THSD7B: variants seen among roughly 807,000 people sequenced by gnomAD.
THSD7B encodes the protein thrombospondin type-1 domain-containing protein 7B.
THSD7B carries 138 observed loss-of-function variants against 213.6 expected under a neutral mutation model. The ratio of observed to expected loss-of-function variants is 0.65; its 90% confidence interval spans 0.56 to 0.74. The LOEUF is 0.74. THSD7B is among the 30% of genes least tolerant of loss of function. The pLI is 0.00. For missense variants in THSD7B, 1,931 were observed against 1,991.5 expected, an observed-to-expected ratio of 0.97 and a Z score of 0.58; for synonymous variants, 742 against 687.0, an observed-to-expected ratio of 1.08 and a Z score of -1.25.
intron 5 of THSD7B, among the ~76,000 whole-genome samples, chr2:137,147,635 A>G (rs1344688143): frequency 2.0e-5 from 3 of 151,832 alleles, no homozygotes; most frequent in Non-Finnish European, 4.4e-5. Context: ...TCTCCTTGCT[A>G]TCATTATTAC....
chr2:137,326,168 G>A (rs1406180839), intron 12 of THSD7B, among the ~76,000 whole-genome samples: 1 of 152,146 alleles, frequency 6.6e-6, no homozygotes, highest in Non-Finnish European at 1.5e-5. Context: ...CTTTGACAAT[G>A]GTGAGGGACA....
chr2:137,232,639 G>A (rs749145242), intron 8 of THSD7B, among the ~76,000 whole-genome samples: 5 of 152,172 alleles, frequency 3.3e-5, no homozygotes, highest in Non-Finnish European at 5.9e-5. Context: ...GCAGTGGTGG[G>A]CAACAGAGTC....
intron 12 of THSD7B, among the ~76,000 whole-genome samples, chr2:137,309,082 A>G (rs1683825935): frequency 6.6e-6 from 1 of 152,138 alleles, no homozygotes; most frequent in Admixed American, 6.6e-5. Context: ...ACGGGCTTCT[A>G]GAAACATCAT....
intron 1 of THSD7B, among the ~76,000 whole-genome samples, chr2:136,879,942 A>G (rs544096241): frequency 1.3e-5 from 2 of 152,340 alleles, no homozygotes; most frequent in Admixed American, 1.3e-4. Context: ...TGCACCCAAT[A>G]TAGGAGCACC....
intron 1 of THSD7B, among the ~76,000 whole-genome samples, chr2:136,787,148 G>A (rs574840339): frequency 3.3e-5 from 5 of 152,066 alleles, no homozygotes; most frequent in Middle Eastern, 3.4e-3. Context: ...AGAAAATGAT[G>A]GAATTCATAA....
At chr2:137,004,644 T>G (rs968885858) in intron 2 of THSD7B, among the ~76,000 whole-genome samples, 3 of 152,184 alleles carry the variant, frequency 2.0e-5, no homozygotes, top group Admixed American at 1.3e-4. Context: ...ACAGTCAGTG[T>G]GTGTTTGGAT....
intron 3 of THSD7B, among the ~76,000 whole-genome samples, chr2:137,085,707 A>G (rs1440751518): frequency 2.0e-5 from 3 of 152,180 alleles, no homozygotes; most frequent in Non-Finnish European, 2.9e-5. Context: ...AAATGAATTG[A>G]TGACCTAAAT....
At chr2:137,004,941 A>T (rs1296896998) in intron 2 of THSD7B, among the ~76,000 whole-genome samples, 1 of 152,198 alleles carries the variant, frequency 6.6e-6, no homozygotes, top group Non-Finnish European at 1.5e-5. Context: ...TTTATTTTGA[A>T]GTTGAATATC....
intron 9 of THSD7B, among the ~76,000 whole-genome samples, chr2:137,239,320 G>T (rs1190593166): frequency 2.0e-5 from 3 of 151,598 alleles, no homozygotes; most frequent in Non-Finnish European, 2.9e-5. Context: ...TTTTTTTTCT[G>T]TCTCTCTCTG....
chr2:136,770,188 T>C (rs1416453896), intron 1 of THSD7B, among the ~76,000 whole-genome samples: 2 of 152,246 alleles, frequency 1.3e-5, no homozygotes, highest in Non-Finnish European at 2.9e-5. Flanking sequence ...AGACTGCAGC[T>C]TTGTAGCAAT....
chr2:137,032,613 G>T (rs563835691), intron 2 of THSD7B, among the ~76,000 whole-genome samples: 47 of 152,168 alleles, frequency 3.1e-4, no homozygotes, highest in Non-Finnish European at 3.8e-4. Context: ...ACACAATTTA[G>T]TATAAAAGTT....
At chr2:137,330,288 C>T (rs2104891832) in intron 12 of THSD7B, among the ~76,000 whole-genome samples, 1 of 152,284 alleles carries the variant, frequency 6.6e-6, no homozygotes, top group East Asian at 1.9e-4. Flanking sequence ...CCAAGTGCAG[C>T]TGTGAGAAGA....
chr2:136,964,924 C>T (rs556387356), intron 2 of THSD7B, among the ~76,000 whole-genome samples: 6 of 151,214 alleles, frequency 4.0e-5, no homozygotes, highest in Non-Finnish European at 8.8e-5. Context: ...TTGCTTGAAC[C>T]CAGGAGGCAG....
chr2:137,610,507 T>G (rs373902885), intron 17 of THSD7B, among the ~76,000 whole-genome samples: 42 of 152,280 alleles, frequency 2.8e-4, no homozygotes, highest in African/African-American at 9.1e-4. Flanking sequence ...CCAATATTGA[T>G]ATGTGTGAGC....
intron 2 of THSD7B, among the ~76,000 whole-genome samples, chr2:136,930,627 A>G (rs910754188): frequency 2.0e-5 from 3 of 152,226 alleles, no homozygotes; most frequent in Non-Finnish European, 4.4e-5. Context: ...TAGCTGAAGA[A>G]TGAATAATGA....
In THSD7B at chr2:137,059,376, ACT is replaced by A. The variant is rs1187606208; in HGVS notation, c.950+2147_950+2148del. ...ATTGATGAGCTAATATTGATATATT[ACT>A]GTTAATAAAGACTATAGTTTACATT... On this transcript the variant is annotated intron_variant, in intron 3 of 27. Transcript: ENST00000409968. Among the ~76,000 whole-genome samples the A allele has an allele frequency of 2.0e-5, 3 of 152,214 alleles. No homozygotes were observed. In the East Asian group the frequency reaches 5.8e-4, roughly 29 times the overall value.
chr2:137,514,535 A>T (rs1245591699), intron 15 of THSD7B, among the ~76,000 whole-genome samples: 1 of 152,096 alleles, frequency 6.6e-6, no homozygotes. Context: ...ACTCCCCTTT[A>T]TATATATCTA....
intron 12 of THSD7B, among the ~76,000 whole-genome samples, chr2:137,375,363 C>T (rs1161566131): frequency 6.6e-6 from 1 of 152,084 alleles, no homozygotes; most frequent in African/African-American, 2.4e-5. Flanking sequence ...CACATAAGCA[C>T]AACATTGGTT....
intron 1 of THSD7B, among the ~76,000 whole-genome samples, chr2:136,831,849 C>T (rs888342967): frequency 6.6e-6 from 1 of 152,188 alleles, no homozygotes; most frequent in Non-Finnish European, 1.5e-5. Context: ...TTATATAAGG[C>T]TTATCCTTCC....
Sources: gnomAD v4.1 joint callset for allele counts (sites outside exome capture counted in the v4.1 genomes callset) on GRCh38, gnomAD v4.1.1 for gene constraint, MANE v1.5 for transcripts, NCBI Gene and HGNC (gene_info 2026-07-23, HGNC 2026-07-21) for gene names.